The following LRRTM4 variants were observed in gnomAD, a reference collection of about 807,000 sequenced individuals.
LRRTM4 encodes the protein leucine-rich repeat transmembrane neuronal protein 4.
In LRRTM4, 25 loss-of-function variants were observed where a neutral mutation model predicts 47.6. The ratio of observed to expected loss-of-function variants is 0.53; its 90% CI spans 0.38 to 0.73. LRRTM4 has a LOEUF of 0.73. Among genes scored for constraint, LRRTM4 ranks in the 30% least tolerant of loss-of-function variants. The pLI is 0.00. For missense variants in LRRTM4, 638 were observed against 713.4 expected (o/e 0.89, Z 1.20); for synonymous variants, 311 against 269.5 (o/e 1.15, Z -1.51).
chr2:77,423,881 C>G (rs1675004524), intron 3 of LRRTM4, among the ~76,000 whole-genome samples: 1 of 152,160 alleles, frequency 6.6e-6, no homozygotes, highest in African/African-American at 2.4e-5. Context: ...TCCCAAAGTG[C>G]AAATGACAAC....
chr2:76,960,695 C>T (rs994728284), intron 3 of LRRTM4, among the ~76,000 whole-genome samples: 19 of 151,586 alleles, frequency 1.3e-4, no homozygotes, highest in African/African-American at 4.1e-4. Context: ...AGAATCACGA[C>T]GTTAAGTTTT....
chr2:76,892,362 T>G (rs1238035953), intron 3 of LRRTM4, among the ~76,000 whole-genome samples: 3 of 151,772 alleles, frequency 2.0e-5, no homozygotes, highest in Non-Finnish European at 4.4e-5. Flanking sequence ...ACTCTCATAA[T>G]ACTGGTAATA....
In LRRTM4 at chr2:76,861,114, T is replaced by G. The variant is rs545462852; in HGVS notation, c.1552-112198A>C. The stretch of plus-strand genomic sequence containing the variant: ...GTAAGTGTTTTTTGATAAAACATTT[T>G]GCCTCTTTAGGTTTTGATTTACTTA... On this transcript the variant is annotated intron_variant, in intron 3 of 3. Coordinates refer to ENST00000409884, the MANE Select transcript of LRRTM4 (RefSeq NM_001134745.3). Among the ~76,000 whole-genome samples, 5 of 152,242 alleles carry G rather than the reference T, an allele frequency of 3.3e-5. No individual in the cohort carries two copies. The East Asian group carries it at 9.7e-4, about 29-fold the overall frequency.
At chr2:77,289,343 C>T (rs115744990) in intron 3 of LRRTM4, among the ~76,000 whole-genome samples, 1,531 of 152,042 alleles carry the variant, frequency 0.01, 21 homozygotes, top group African/African-American at 0.035. Flanking sequence ...ATTTCTAAAT[C>T]TGAGAGTACA....
At chr2:77,159,878 G>A (rs149957874) in intron 3 of LRRTM4, among the ~76,000 whole-genome samples, 7 of 152,242 alleles carry the variant, frequency 4.6e-5, no homozygotes, top group African/African-American at 1.4e-4. Context: ...CTTATATCAT[G>A]CAAGACAGAA....
chr2:77,285,050 G>T (rs12466793), intron 3 of LRRTM4, among the ~76,000 whole-genome samples: 17,995 of 151,778 alleles, frequency 0.12, 2,167 homozygotes, highest in African/African-American at 0.3. Flanking sequence ...TATTCCTGGC[G>T]GTTCAGGATA....
intron 3 of LRRTM4, among the ~76,000 whole-genome samples, chr2:77,193,168 G>GT (rs1437069351): frequency 6.6e-6 from 1 of 152,142 alleles, no homozygotes; most frequent in Non-Finnish European, 1.5e-5. Context: ...ATTTAATACA[G>GT]TAACAGGCTG....
rs55928711 is a variant in LRRTM4, at chr2:76,786,050, T to A, written c.1552-37134A>T. On this transcript the variant is annotated intron_variant, in intron 3 of 3. Transcript: ENST00000409884. ...TAATAGCTTGTGAATTCAGAAGACATAAGTTACATGAGTATCTTGGCAAAC... is the reference window on the plus strand; with the variant it reads ...TAATAGCTTGTGAATTCAGAAGACAAAAGTTACATGAGTATCTTGGCAAAC... Among the ~76,000 whole-genome samples the A allele has an allele frequency of 9.6e-3, 1,467 of 152,272 alleles. 16 individuals carry two copies. The highest frequency in any genetic ancestry group is 0.033 in the African/African-American group (1,384 of 41,562).
rs548210772 is a variant in LRRTM4 at position 76,805,342 on chromosome 2, G to A, written c.1552-56426C>T. Among the ~76,000 whole-genome samples the A allele has an allele frequency of 5.3e-5, 8 of 151,914 alleles. No individual in the cohort carries two copies. The South Asian group carries it at 1.3e-3, about 24-fold the overall frequency. ...TCTGCCACAGCCAGTGAAAAGCAAG[G>A]GATAATGGGATAAACCATTGATTTT... On this transcript the variant is annotated intron_variant, in intron 3 of 3. Coordinates refer to ENST00000409884, the MANE Select transcript of LRRTM4 (RefSeq NM_001134745.3).
chr2:77,307,417 G>A (rs1415721106), intron 3 of LRRTM4, among the ~76,000 whole-genome samples: 1 of 150,102 alleles, frequency 6.7e-6, no homozygotes, highest in Admixed American at 6.7e-5. Flanking sequence ...TCCTGTATAT[G>A]ATATGTAATG....
chr2:76,802,857 A>T (rs936561308), intron 3 of LRRTM4, among the ~76,000 whole-genome samples: 4 of 152,170 alleles, frequency 2.6e-5, no homozygotes, highest in Non-Finnish European at 4.4e-5. Context: ...GAGAAAGGAC[A>T]CGCTCATCAA....
chr2:76,874,519 A>G (rs1672725359), intron 3 of LRRTM4, among the ~76,000 whole-genome samples: 1 of 152,018 alleles, frequency 6.6e-6, no homozygotes, highest in Non-Finnish European at 1.5e-5. Flanking sequence ...TGAAATTATG[A>G]GTATATTTTA....
chr2:76,806,075 A>G (rs574705365), intron 3 of LRRTM4, among the ~76,000 whole-genome samples: 1 of 152,310 alleles, frequency 6.6e-6, no homozygotes, highest in East Asian at 1.9e-4. Context: ...CACGTACAGA[A>G]CAAGGCAAAA....
chr2:76,828,651 A>G (rs550718049), intron 3 of LRRTM4, among the ~76,000 whole-genome samples: 11 of 152,088 alleles, frequency 7.2e-5, no homozygotes, highest in East Asian at 1.9e-4. Flanking sequence ...GTGTTTTTAG[A>G]AACAGTTAGA....
intron 3 of LRRTM4, among the ~76,000 whole-genome samples, chr2:76,904,002 G>A (rs1673733553): frequency 6.6e-6 from 1 of 152,206 alleles, no homozygotes; most frequent in Admixed American, 6.5e-5. Context: ...CCAATTTAGT[G>A]AAAATGTTGA....
At chr2:76,991,015 C>CA (rs1676987392) in intron 3 of LRRTM4, among the ~76,000 whole-genome samples, 1 of 151,662 alleles carries the variant, frequency 6.6e-6, no homozygotes. Flanking sequence ...CACACAGTTA[C>CA]ATGAAATTAA....
At chr2:76,937,868 C>G (rs1258430397) in intron 3 of LRRTM4, among the ~76,000 whole-genome samples, 1 of 151,906 alleles carries the variant, frequency 6.6e-6, no homozygotes, top group Non-Finnish European at 1.5e-5. Context: ...ACCCGGCCAT[C>G]TTTATATATA....
At chr2:77,348,920 G>C (rs1398758698) in intron 3 of LRRTM4, among the ~76,000 whole-genome samples, 1 of 151,802 alleles carries the variant, frequency 6.6e-6, no homozygotes, top group Non-Finnish European at 1.5e-5. Context: ...ATTTGATAAA[G>C]TATAGCAGCC....
intron 3 of LRRTM4, among the ~76,000 whole-genome samples, chr2:76,906,534 C>G (rs201522062): frequency 6.6e-6 from 1 of 151,990 alleles, no homozygotes; most frequent in Non-Finnish European, 1.5e-5. Flanking sequence ...ATGCTCCAAT[C>G]AAAAGACACA....
Sources: allele counts gnomAD v4.1 joint callset (sites outside exome capture counted in the v4.1 genomes callset), GRCh38; gene constraint gnomAD v4.1.1; transcripts MANE v1.5; gene names NCBI Gene and HGNC (gene_info 2026-07-23, HGNC 2026-07-21).